Variants in MIPEP observed in about 807,000 individuals in gnomAD.
MIPEP encodes mitochondrial intermediate peptidase.
MIPEP carries 79 observed loss-of-function variants against 90.3 expected under a neutral mutation model. The observed-to-expected ratio is 0.87, with a 90% CI of 0.73 to 1.05. MIPEP has a LOEUF of 1.05. Ranked by LOEUF, MIPEP falls within the 50% of genes least tolerant of loss-of-function variation. The pLI, the probability that MIPEP is intolerant of heterozygous loss-of-function variation, is 0.00. For synonymous variants in MIPEP, 334 were observed against 315.8 expected (o/e 1.06, Z -0.61); for missense variants, 940 against 905.6 (o/e 1.04, Z -0.49).
At chr13:23,774,890 G>A (rs1054835014) in intron 16 of MIPEP, among the ~76,000 whole-genome samples, 1 of 143,698 alleles carries the variant, frequency 7.0e-6, no homozygotes, top group Non-Finnish European at 1.5e-5. Context: ...TGCCTCCCAG[G>A]TTCAAGCAAT....
In MIPEP at chr13:23,792,323, C is replaced by T. The variant is rs117492842; in HGVS notation, c.1848+13627G>A. ...CATCTTTTCTGGTTTGTTTAGTAGA[C>T]GTCTTAAACTTAGTATTTCCTGATC... On this transcript the variant is annotated intron_variant, in intron 16 of 18. Coordinates refer to ENST00000382172, the MANE Select transcript of MIPEP (RefSeq NM_005932.4). 0.026 allele frequency among the ~76,000 whole-genome samples: 4,017 copies of T among 152,284 alleles called. 403 individuals carry two copies. The East Asian group carries it at 0.34, about 13-fold the overall frequency.
chr13:23,866,060 C>G (rs571057016), intron 7 of MIPEP, among the ~76,000 whole-genome samples: 2 of 152,244 alleles, frequency 1.3e-5, no homozygotes, highest in East Asian at 3.9e-4. Context: ...CCTCCTCATT[C>G]ACTAGCCACA....
chr13:23,793,796 A>C (rs1952926018), intron 16 of MIPEP, among the ~76,000 whole-genome samples: 1 of 151,642 alleles, frequency 6.6e-6, no homozygotes, highest in Non-Finnish European at 1.5e-5. Context: ...GCAGAAGGCA[A>C]AGGGAGCAGA....
chr13:23,756,491 A>T (rs1206025444), intron 18 of MIPEP, 54 bp downstream of exon 18: 1 of 1,542,948 alleles, frequency 6.5e-7, no homozygotes, highest in Non-Finnish European at 9.0e-7. Flanking sequence ...AAACATATGG[A>T]GAAAACATAA....
chr13:23,869,335 C>G lies in MIPEP; in HGVS notation c.900G>C (p.Thr300=). ...DLLAKLVGYS[T]FSHRALQGTI... ...TTCCTTGGAGAGCCCTGTGAGAAAA[C>G]GTGGAATACCCCACCAACTTTGCCA... Residue 300 remains threonine (T), a synonymous_variant, in exon 7 of 19, where the codon ACG becomes ACC. Coordinates refer to ENST00000382172, the MANE Select transcript of MIPEP (RefSeq NM_005932.4). The G allele has an allele frequency of 3.1e-6, 5 of 1,612,096 alleles. No individual in the cohort carries two copies. The highest frequency in any genetic ancestry group is 4.2e-6 in the Non-Finnish European group (5 of 1,179,418).
intron 10 of MIPEP, among the ~76,000 whole-genome samples, chr13:23,844,980 T>C (rs1242462789): frequency 1.3e-5 from 2 of 152,164 alleles, no homozygotes; most frequent in African/African-American, 4.8e-5. Context: ...TCTTGTCCCC[T>C]GGCTCACTAT....
chr13:23,882,004 A>G (rs1871289970), intron 2 of MIPEP, among the ~76,000 whole-genome samples: 1 of 152,214 alleles, frequency 6.6e-6, no homozygotes, highest in Non-Finnish European at 1.5e-5. Flanking sequence ...CACTCCAAAA[A>G]AAGACTTTTA....
chr13:23,764,814 T>C (rs1189098580), intron 16 of MIPEP, among the ~76,000 whole-genome samples: 1 of 152,226 alleles, frequency 6.6e-6, no homozygotes, highest in Non-Finnish European at 1.5e-5. Flanking sequence ...CTGCTTACCT[T>C]GTCAAGTGCT....
chr13:23,787,067 G>GT (rs1342140869), intron 16 of MIPEP, among the ~76,000 whole-genome samples: 1 of 152,154 alleles, frequency 6.6e-6, no homozygotes, highest in Non-Finnish European at 1.5e-5. Context: ...TGACACGCAG[G>GT]TAAGTGGCAA....
chr13:23,879,216 A>G, intron 4 of MIPEP, 52 bp downstream of exon 4: 2 of 1,116,064 alleles, frequency 1.8e-6, no homozygotes, highest in Admixed American at 1.9e-5. Context: ...GAGTCTCCCA[A>G]CCTCACCTCT....
intron 16 of MIPEP, among the ~76,000 whole-genome samples, chr13:23,802,390 C>T (rs1005197849): frequency 6.6e-6 from 1 of 152,122 alleles, no homozygotes; most frequent in African/African-American, 2.4e-5. Flanking sequence ...GCCTGGCCAA[C>T]ATGGTGAAAC....
intron 5 of MIPEP, among the ~76,000 whole-genome samples, chr13:23,870,684 A>G (rs993154371): frequency 6.6e-6 from 1 of 152,080 alleles, no homozygotes; most frequent in Non-Finnish European, 1.5e-5. Flanking sequence ...ACGTGCCTAT[A>G]ATCTCAGCTA....
intron 16 of MIPEP, among the ~76,000 whole-genome samples, chr13:23,786,655 TAAGG>T (rs56183441): frequency 0.7 from 105,731 of 151,128 alleles, 39,455 homozygotes; most frequent in Non-Finnish European, 0.83. Context: ...GAAAAAAAAA[TAAGG>T]AAAGAGTGAC....
Position 23,756,642 on chromosome 13 carries a change from A to G in MIPEP, c.1971-24T>C, listed in dbSNP as rs375512694. 8.1e-6 allele frequency: 13 copies of G among 1,607,862 alleles called. No homozygotes were observed. The African/African-American group carries it at 1.7e-4, about 21-fold the overall frequency. ...CCCTGGGGAAGAGAGGTTCTGTTACAGACTCCTGCTTGCACAGCCTCCATT... is the reference window on the plus strand; with the variant it reads ...CCCTGGGGAAGAGAGGTTCTGTTACGGACTCCTGCTTGCACAGCCTCCATT... On this transcript the variant is annotated intron_variant, in intron 17 of 18. Transcript: ENST00000382172.
At chr13:23,768,573 AAAAC>A (rs1952616522) in intron 16 of MIPEP, among the ~76,000 whole-genome samples, 1 of 152,140 alleles carries the variant, frequency 6.6e-6, no homozygotes, top group Non-Finnish European at 1.5e-5. Context: ...AAACAAAACA[AAAAC>A]AACCCAAAAA....
chr13:23,814,258 A>G (rs1350315346), intron 14 of MIPEP, among the ~76,000 whole-genome samples: 1 of 152,030 alleles, frequency 6.6e-6, no homozygotes, highest in Non-Finnish European at 1.5e-5. Flanking sequence ...AGTTATTAAA[A>G]ACAAATTTTT....
chr13:23,741,689 G>T (rs888544630), intron 18 of MIPEP, among the ~76,000 whole-genome samples: 1 of 107,984 alleles, frequency 9.3e-6, no homozygotes, highest in African/African-American at 3.7e-5. Context: ...TGGGAGGAGG[G>T]AGAGCAAAAA....
At chr13:23,812,160 G>A (rs990951029) in intron 14 of MIPEP, among the ~76,000 whole-genome samples, 12 of 149,732 alleles carry the variant, frequency 8.0e-5, no homozygotes, top group African/African-American at 2.7e-4. Flanking sequence ...CATTCTCCAC[G>A]TAAGCACCAA....
intron 18 of MIPEP, among the ~76,000 whole-genome samples, chr13:23,733,225 T>C (rs776980962): frequency 6.6e-6 from 1 of 152,180 alleles, no homozygotes; most frequent in Non-Finnish European, 1.5e-5. Flanking sequence ...TGAATTCCAA[T>C]GAAGAGATTC....
Sources: gnomAD v4.1 joint callset for allele counts (sites outside exome capture counted in the v4.1 genomes callset) on GRCh38, gnomAD v4.1.1 for gene constraint, MANE v1.5 for transcripts, NCBI Gene and HGNC (gene_info 2026-07-23, HGNC 2026-07-21) for gene names.